FYB1: variants seen among roughly 807,000 people sequenced by gnomAD.
FYB1 encodes FYN-binding protein 1.
In FYB1, 41 loss-of-function variants were observed where a neutral mutation model predicts 94.1. The ratio of observed to expected loss-of-function variants is 0.44; its 90% CI spans 0.34 to 0.57. FYB1 has a LOEUF of 0.57. Among genes scored for constraint, FYB1 ranks in the 20% least tolerant of loss-of-function variants. The pLI is 0.02. For synonymous variants in FYB1, 367 were observed against 353.2 expected (o/e 1.04, Z -0.44); for missense variants, 1,050 against 976.8 (o/e 1.07, Z -1.00).
intron 2 of FYB1, among the ~76,000 whole-genome samples, chr5:39,179,125 A>C (rs1579575802): frequency 6.6e-6 from 1 of 152,332 alleles, no homozygotes; most frequent in East Asian, 1.9e-4. Flanking sequence ...TCTACTTATG[A>C]AAATATCCAT....
chr5:39,230,524 C>CAT (rs1446779860), intron 1 of FYB1, among the ~76,000 whole-genome samples: 1 of 151,804 alleles, frequency 6.6e-6, no homozygotes, highest in Non-Finnish European at 1.5e-5. Flanking sequence ...TTTGTCACAG[C>CAT]ATATATATAT....
chr5:39,130,601 C>T lies in FYB1; in HGVS notation c.1829G>A (p.Ser610Asn), dbSNP rs1741105912. ...AGCGTGTGGCTTACCTCCACTTCCA[C>T]TCTGACTGTGGCTAGAAAAGAAACC... Reference protein sequence around the residue: ...EQDDISSHSQSGSGGIFPPPP... With the variant: ...EQDDISSHSQNGSGGIFPPPP... The change falls in exon 10 of 19, where the codon AGT becomes AAT. Residue 610 changes from serine (S) to asparagine (N), a missense_variant. Ser to Asn is a conservative substitution (Grantham distance 46, BLOSUM62 1). Coordinates refer to ENST00000512982, the MANE Select transcript of FYB1 (RefSeq NM_001465.6). The T allele has an allele frequency of 5.1e-6, 8 of 1,574,830 alleles. No individual in the cohort carries two copies. Among genetic ancestry groups the T allele is most frequent in the Non-Finnish European group, 6.9e-6 (8 of 1,158,060 alleles).
chr5:39,211,478 C>T (rs1749385377), intron 1 of FYB1, among the ~76,000 whole-genome samples: 2 of 151,992 alleles, frequency 1.3e-5, no homozygotes, highest in Admixed American at 6.6e-5. Context: ...CCCGCCACCA[C>T]GCCTGGCTAA....
rs141054334 is a variant in FYB1, at chr5:39,118,925, T to A, written c.2350A>T (p.Ile784Leu). The change falls in exon 16 of 19, where the codon ATA becomes TTA. Residue 784 changes from isoleucine to leucine, a missense_variant. Transcript: ENST00000512982. ...ACTTTTGTGTCATCTGTGGTTTGTA[T>A]AACTTCTAGAGATTCACCAGGTTTT... Reference protein sequence around the residue: ...QVKPGESLEVIQTTDDTKVLC... With the variant: ...QVKPGESLEVLQTTDDTKVLC... 2 of 1,565,410 alleles carry A rather than the reference T, an allele frequency of 1.3e-6. No homozygotes were observed. Among genetic ancestry groups the A allele is most frequent in the South Asian group, 1.2e-5 (1 of 82,960 alleles).
chr5:39,189,683 A>T (rs990973151), intron 2 of FYB1, among the ~76,000 whole-genome samples: 5 of 152,230 alleles, frequency 3.3e-5, no homozygotes, highest in Non-Finnish European at 7.3e-5. Flanking sequence ...GGGAGAAGGC[A>T]GGAGCCTGAG....
At chr5:39,267,166 G>T (rs911537552) in intron 1 of FYB1, among the ~76,000 whole-genome samples, 2 of 152,200 alleles carry the variant, frequency 1.3e-5, no homozygotes, top group African/African-American at 4.8e-5. Context: ...GTGTATGTCA[G>T]GGCTTAGCAA....
chr5:39,245,745 C>T lies in FYB1; in HGVS notation c.-28+28658G>A, dbSNP rs571814919. Among the ~76,000 whole-genome samples, 139 of 152,106 alleles carry T rather than the reference C, an allele frequency of 9.1e-4. 3 individuals carry two copies. Among genetic ancestry groups the T allele is most frequent in the African/African-American group, 3.1e-3 (130 of 41,520 alleles). Reference sequence around the variant, plus strand: ...TCCTGAGTAGCTGGGATTACAGGTGCCCGCCACTACAACCAGCTAGTTTTT... The same window carrying T: ...TCCTGAGTAGCTGGGATTACAGGTGTCCGCCACTACAACCAGCTAGTTTTT... On this transcript the variant is annotated intron_variant, in intron 1 of 1. Coordinates refer to the FYB1 transcript ENST00000510188.
At chr5:39,142,258 T>C (rs1742258435) in intron 3 of FYB1, among the ~76,000 whole-genome samples, 2 of 152,152 alleles carry the variant, frequency 1.3e-5, no homozygotes, top group African/African-American at 4.8e-5. Flanking sequence ...ATTAAAAATG[T>C]TTACCACTTT....
At chr5:39,193,054 G>T (rs1417641830) in intron 2 of FYB1, among the ~76,000 whole-genome samples, 1 of 152,156 alleles carries the variant, frequency 6.6e-6, no homozygotes, top group Non-Finnish European at 1.5e-5. Flanking sequence ...CTCTATCACA[G>T]TCCAGGCATC....
rs1740113831 is a variant in FYB1 at position 39,121,624 on chromosome 5, G to GTCC, written c.2138+711_2138+712insGGA. 3.3e-5 allele frequency among the ~76,000 whole-genome samples: 5 copies of GTCC among 151,946 alleles called. No individual in the cohort carries two copies. In the South Asian group the frequency reaches 1.0e-3, roughly 32 times the overall value. Reference sequence around the variant, plus strand: ...ATAGGTGTTCTTGCTTTTATACTCAGTATGTATCAAATCATTTCATGTATT... The same window carrying GTCC: ...ATAGGTGTTCTTGCTTTTATACTCAGTCCTATGTATCAAATCATTTCATGTATT... On this transcript the variant is annotated intron_variant, in intron 14 of 18. Coordinates refer to ENST00000512982, the MANE Select transcript of FYB1 (RefSeq NM_001465.6).
chr5:39,251,010 C>T (rs1278458489), intron 1 of FYB1, among the ~76,000 whole-genome samples: 1 of 151,986 alleles, frequency 6.6e-6, no homozygotes, highest in East Asian at 1.9e-4. Flanking sequence ...ATTTAATGGT[C>T]AAAAGATGAA....
chr5:39,146,648 A>G (rs1742681808), intron 3 of FYB1, among the ~76,000 whole-genome samples: 1 of 152,208 alleles, frequency 6.6e-6, no homozygotes, highest in African/African-American at 2.4e-5. Context: ...TATGAATAAC[A>G]AATACTTCTA....
chr5:39,253,093 GA>G (rs1460441178), intron 1 of FYB1, among the ~76,000 whole-genome samples: 1 of 152,140 alleles, frequency 6.6e-6, no homozygotes, highest in Non-Finnish European at 1.5e-5. Context: ...TATTCCTAAA[GA>G]AAAGTACACG....
At chr5:39,171,606 T>G (rs1389874776) in intron 2 of FYB1, among the ~76,000 whole-genome samples, 2 of 152,186 alleles carry the variant, frequency 1.3e-5, no homozygotes, top group Non-Finnish European at 2.9e-5. Context: ...AGGCAGGCTG[T>G]GAAAAGACCA....
In FYB1 at chr5:39,189,770, C is replaced by T. The variant is rs1426605415; in HGVS notation, c.1135+12056G>A. On this transcript the variant is annotated intron_variant, in intron 2 of 18. Coordinates refer to ENST00000512982, the MANE Select transcript of FYB1 (RefSeq NM_001465.6). ...TTCCAGCTCAAGGTGCAATGTAAAC[C>T]CCTCTGGCTCCTCAAACCTTCGGTG... 2.0e-5 allele frequency among the ~76,000 whole-genome samples: 3 copies of T among 152,186 alleles called. No homozygotes were observed. The East Asian group carries it at 5.8e-4, about 29-fold the overall frequency.
chr5:39,255,347 C>A (rs1319029905), intron 1 of FYB1, among the ~76,000 whole-genome samples: 1 of 151,932 alleles, frequency 6.6e-6, no homozygotes, highest in Non-Finnish European at 1.5e-5. Flanking sequence ...GAAGTTAACA[C>A]CAACGTACTG....
At chr5:39,256,805 T>C (rs974038900) in intron 1 of FYB1, among the ~76,000 whole-genome samples, 3 of 152,212 alleles carry the variant, frequency 2.0e-5, no homozygotes, top group African/African-American at 7.2e-5. Context: ...CTGTCTCATG[T>C]AGTTGTGGGT....
chr5:39,209,448 T>A (rs1749162555), intron 1 of FYB1, among the ~76,000 whole-genome samples: 1 of 151,694 alleles, frequency 6.6e-6, no homozygotes, highest in Non-Finnish European at 1.5e-5. Context: ...TGCCTCAGCC[T>A]CCGAGCAGGT....
intron 9 of FYB1, among the ~76,000 whole-genome samples, chr5:39,131,773 C>T (rs1356080290): frequency 6.6e-6 from 1 of 152,180 alleles, no homozygotes; most frequent in Non-Finnish European, 1.5e-5. Context: ...TTGGCTGCCA[C>T]TCTTGGCAGA....
Sources: gnomAD v4.1 joint callset for allele counts (sites outside exome capture counted in the v4.1 genomes callset) on GRCh38, gnomAD v4.1.1 for gene constraint, MANE v1.5 for transcripts, NCBI Gene and HGNC (gene_info 2026-07-23, HGNC 2026-07-21) for gene names.